Variants in CELF6 observed in about 807,000 individuals in gnomAD.
CELF6 encodes Bruno -like 6, RNA binding protein.
A neutral mutation model predicts 53.1 loss-of-function variants in CELF6; 32 were observed. That is an observed-to-expected ratio of 0.60 (90% confidence interval 0.46 to 0.81). CELF6 has a LOEUF of 0.81. Among genes scored for constraint, CELF6 ranks in the 30% least tolerant of loss-of-function variants. CELF6 has a pLI of 0.00. For missense variants in CELF6, 539 were observed against 669.5 expected, an observed-to-expected ratio of 0.81 and a Z score of 2.15; for synonymous variants, 291 against 288.8, an observed-to-expected ratio of 1.01 and a Z score of -0.08.
intron 3 of CELF6, among the ~76,000 whole-genome samples, chr15:72,299,491 C>T (rs1322407406): frequency 6.6e-6 from 1 of 151,436 alleles, no homozygotes; most frequent in East Asian, 2.0e-4. Flanking sequence ...TCCCAAGTAG[C>T]TGGGATTACA....
intron 2 of CELF6, among the ~76,000 whole-genome samples, chr15:72,307,144 C>G (rs2088241956): frequency 1.3e-5 from 2 of 152,066 alleles, no homozygotes; most frequent in Admixed American, 6.5e-5. Context: ...TCTCTGGAGC[C>G]TAGAGTGACG....
chr15:72,319,694 C>T lies in CELF6; in HGVS notation c.181G>A (p.Asp61Asn). 3 of 1,592,110 alleles carry T rather than the reference C, an allele frequency of 1.9e-6. No individual in the cohort carries two copies. The highest frequency in any genetic ancestry group is 2.6e-6 in the Non-Finnish European group (3 of 1,169,436). ...AACTCCTCGAACAGCGGCTTGAGGT[C>T]CTGCTCGTCCAAGCCCCGCGGGATC... ...GQIPRGLDEQ[D>N]LKPLFEEFGR... Residue 61 changes from aspartate to asparagine, a missense_variant, in exon 1 of 13, where the codon GAC becomes AAC. This residue lies in a region of CELF6 where 97 missense variants were observed against 168.8 expected (regional missense o/e 0.57). Transcript: ENST00000287202. This position sits in a 1 kb window ranked among gnomAD's most constrained non-coding sequence, Gnocchi z 5.0.
chr15:72,306,150 A>T, intron 2 of CELF6: 1 of 980,204 alleles, frequency 1.0e-6, no homozygotes, highest in Non-Finnish European at 1.2e-6. Flanking sequence ...CCTTCCTCTC[A>T]TGGGTGTTGT....
At chr15:72,306,345 G>A (rs1198146678) in intron 2 of CELF6, 1 of 965,092 alleles carries the variant, frequency 1.0e-6, no homozygotes, top group Non-Finnish European at 1.2e-6. Context: ...GTGATGATCT[G>A]ACCCCCTCCC....
At chr15:72,297,632 T>C (rs1190790195) in intron 3 of CELF6, among the ~76,000 whole-genome samples, 1 of 152,192 alleles carries the variant, frequency 6.6e-6, no homozygotes, top group Admixed American at 6.5e-5. Context: ...CTAAGTGAAA[T>C]AAGCCAGTCA....
At chr15:72,313,932 C>T (rs553716371) in intron 2 of CELF6, among the ~76,000 whole-genome samples, 20 of 152,316 alleles carry the variant, frequency 1.3e-4, no homozygotes, top group Non-Finnish European at 2.6e-4. Context: ...CATTTAACCA[C>T]GACAACAACC....
At chr15:72,316,650 G>A (rs935730389) in intron 1 of CELF6, among the ~76,000 whole-genome samples, 9 of 152,188 alleles carry the variant, frequency 5.9e-5, no homozygotes, top group African/African-American at 2.2e-4. Context: ...GGTCAGCGAA[G>A]AGGTCTAGGT....
chr15:72,289,758 TG>T lies in CELF6; in HGVS notation c.615del (p.Ser206AlafsTer35). ...GTGTCCGCCAGCTTGACCACGAGGC[TG>T]GACGAGGCGCCCTGGGCAGGGCAGG... ...HGSRTMAGAS[S>X]SLVVKLADTD... On this transcript the variant is annotated frameshift_variant, in exon 6 of 13. Transcript: ENST00000287202. LOFTEE classifies it high-confidence loss of function. This position sits in a 1 kb window ranked among gnomAD's most constrained non-coding sequence, Gnocchi z 7.6. The T allele has an allele frequency of 6.9e-7, 1 of 1,455,766 alleles. No individual in the cohort carries two copies. The allele number at this position is 1,455,766 out of a possible 1,614,324, so 90.2% of individuals were successfully genotyped here. A position where few individuals can be genotyped will look rare whatever the true frequency, so the allele number is the denominator to read the frequency against.
rs1047785380 is a variant in CELF6 at position 72,295,664 on chromosome 15, T to C, written c.395-5409A>G. 2.0e-5 allele frequency among the ~76,000 whole-genome samples: 3 copies of C among 149,602 alleles called. No homozygotes were observed. In the East Asian group the frequency reaches 5.9e-4, roughly 29 times the overall value. ...TTGCTTGAACCCAGGATGCAGAGGT[T>C]GCAGTGAGCCGAGATCACGCCACTG... On this transcript the variant is annotated intron_variant, in intron 3 of 12. Transcript: ENST00000287202.
Position 72,289,726 on chromosome 15 carries a change from C to T in CELF6, c.648G>A (p.Arg216=). 6.8e-7 allele frequency: 1 copy of T among 1,477,194 alleles called. No homozygotes were observed. Among genetic ancestry groups the T allele is most frequent in the Non-Finnish European group, 8.9e-7 (1 of 1,122,490 alleles). The allele number at this position is 1,477,194 out of a possible 1,614,324, so 91.5% of individuals were successfully genotyped here. ...GCTGCATCCGCCGCAGCGCGCGCTC[C>T]CGGTCGGTGTCCGCCAGCTTGACCA... is the stretch of plus-strand genomic sequence containing the variant. ...SLVVKLADTD[R]ERALRRMQQM... is the part of the protein sequence containing the mutation. Residue 216 remains arginine, a synonymous_variant, in exon 6 of 13, where the codon CGG becomes CGA. Coordinates refer to ENST00000287202, the MANE Select transcript of CELF6 (RefSeq NM_052840.5). The surrounding 1 kb of genome is among the most constrained non-coding windows in gnomAD (Gnocchi z 7.6).
At chr15:72,315,085 G>A (rs956309960) in intron 2 of CELF6, among the ~76,000 whole-genome samples, 2 of 152,130 alleles carry the variant, frequency 1.3e-5, no homozygotes, top group African/African-American at 4.8e-5. Flanking sequence ...GCCTAGAACT[G>A]GACATAGTCC....
At chr15:72,311,464 G>A (rs1304926990) in intron 2 of CELF6, among the ~76,000 whole-genome samples, 1 of 149,060 alleles carries the variant, frequency 6.7e-6, no homozygotes, top group Non-Finnish European at 1.5e-5. Context: ...GTGCAGCGAT[G>A]CGATCTTGGC....
At chr15:72,311,232 C>G (rs1372248717) in intron 2 of CELF6, among the ~76,000 whole-genome samples, 2 of 151,140 alleles carry the variant, frequency 1.3e-5, no homozygotes, top group Non-Finnish European at 2.9e-5. Flanking sequence ...AACTCCTGAC[C>G]TCAAGTGATC....
At chr15:72,292,242 T>A in intron 3 of CELF6, 1 of 1,535,604 alleles carries the variant, frequency 6.5e-7, no homozygotes, top group Non-Finnish European at 8.7e-7. Context: ...TGAGGGGGGA[T>A]CTGAGATCAT....
intron 3 of CELF6, among the ~76,000 whole-genome samples, chr15:72,291,968 T>C (rs2088012281): frequency 6.6e-6 from 1 of 152,080 alleles, no homozygotes; most frequent in Non-Finnish European, 1.5e-5. Context: ...CTTCTGGGGG[T>C]GTCAGCCACA....
At chr15:72,286,487 CA>C (rs1030464741) in intron 12 of CELF6, 145 bp from the exon 13 acceptor site, 1 of 152,634 alleles carries the variant, frequency 6.6e-6, no homozygotes, top group African/African-American at 2.4e-5. Context: ...AGTAGGGCTG[CA>C]GCAGGACCCA....
intron 3 of CELF6, among the ~76,000 whole-genome samples, chr15:72,298,431 C>T (rs2088105916): frequency 1.3e-5 from 2 of 152,172 alleles, no homozygotes; most frequent in Non-Finnish European, 2.9e-5. Context: ...AACGAGATGC[C>T]TCAAAATATA....
chr15:72,319,517 A>G lies in CELF6; in HGVS notation c.262+96T>C. 1 of 1,366,300 alleles carries G rather than the reference A, an allele frequency of 7.3e-7. No homozygotes were observed. Among genetic ancestry groups the G allele is most frequent in the Non-Finnish European group, 9.7e-7 (1 of 1,027,034 alleles). 84.6% of individuals were successfully genotyped at this position (1,366,300 alleles called of 1,614,324 possible). A position where few individuals can be genotyped will look rare whatever the true frequency, so the allele number is the denominator to read the frequency against. ...GGGGCTGATATTGGACTGGTGTTGG[A>G]CTGGCTCTCGGCAGGGCTAGGGCTG... On this transcript the variant is annotated intron_variant, in intron 1 of 12. Coordinates refer to ENST00000287202, the MANE Select transcript of CELF6 (RefSeq NM_052840.5). This position sits in a 1 kb window ranked among gnomAD's most constrained non-coding sequence, Gnocchi z 5.0.
Position 72,287,838 on chromosome 15 carries a change from CT to C in CELF6, c.1319-447del, listed in dbSNP as rs546834252. Among the ~76,000 whole-genome samples, 1,390 of 141,750 alleles carry C rather than the reference CT, an allele frequency of 9.8e-3. 35 individuals are homozygous for C. The highest frequency in any genetic ancestry group is 0.057 in the Admixed American group (803 of 14,206). The allele number at this position is 141,750 out of a possible 152,430, so 93.0% of individuals were successfully genotyped here. On this transcript the variant is annotated intron_variant, in intron 11 of 12. Coordinates refer to ENST00000287202, the MANE Select transcript of CELF6 (RefSeq NM_052840.5). ...AGGTAAACCTGAAATAAAGCTCGTT[CT>C]TTTTTTTTTTTTTTGAGATGGAGTC... is the stretch of plus-strand genomic sequence containing the variant.
Sources: allele counts gnomAD v4.1 joint callset (sites outside exome capture counted in the v4.1 genomes callset), GRCh38; gene constraint gnomAD v4.1.1; regional missense constraint gnomAD v4.1.1; non-coding constraint Gnocchi (gnomAD v3.1); transcripts MANE v1.5; gene names NCBI Gene and HGNC (gene_info 2026-07-23, HGNC 2026-07-21).